Variants in UBE2R2 observed in about 807,000 individuals in gnomAD.
UBE2R2 encodes the protein ubiquitin conjugating enzyme E2 R2, also known as ubiquitin-conjugating enzyme E2 R2.
A neutral mutation model predicts 27.8 loss-of-function variants in UBE2R2; 1 was observed. That is an observed-to-expected ratio of 0.04 (90% CI 0.01 to 0.17). The LOEUF (loss-of-function observed/expected upper bound fraction) is 0.17. Ranked by LOEUF, UBE2R2 falls within the 10% of genes least tolerant of loss-of-function variation. The probability of loss-of-function intolerance (pLI) is 1.00; values close to 1 mark genes in which losing one functional copy is unlikely to be tolerated. For synonymous variants in UBE2R2, 106 were observed against 113.3 expected (o/e 0.94, Z 0.41); for missense variants, 100 against 291.0 (o/e 0.34, Z 4.78).
intron 1 of UBE2R2, among the ~76,000 whole-genome samples, chr9:33,871,529 T>C (rs1821483011): frequency 2.0e-5 from 3 of 152,206 alleles, no homozygotes; most frequent in Non-Finnish European, 4.4e-5. Context: ...ATTTTGGAGG[T>C]ACTTGTTCTT....
In UBE2R2 at chr9:33,817,838, C is replaced by G; in HGVS notation, c.81C>G (p.Gly27=). ...CCCTGCAGGAGGAACCGGTGGAGGG[C>G]TTCCGGATCACCCTGGTGGACGAGT... The part of the protein sequence containing the change: ...LKSLQEEPVE[G]FRITLVDESD... Residue 27 remains glycine, a synonymous_variant, in exon 1 of 5, where the codon GGC becomes GGG. Coordinates refer to ENST00000263228, the MANE Select transcript of UBE2R2 (RefSeq NM_017811.4). 2 of 1,612,894 alleles carry G rather than the reference C, an allele frequency of 1.2e-6. No individual in the cohort carries two copies. Among genetic ancestry groups the G allele is most frequent in the Non-Finnish European group, 1.7e-6 (2 of 1,179,378 alleles).
intron 3 of UBE2R2, among the ~76,000 whole-genome samples, chr9:33,902,134 G>C (rs1471785346): frequency 1.3e-5 from 2 of 151,996 alleles, no homozygotes; most frequent in Non-Finnish European, 2.9e-5. Context: ...TCCCAGGCCA[G>C]TCTCAAACTA....
intron 1 of UBE2R2, among the ~76,000 whole-genome samples, chr9:33,853,619 AC>A (rs1190923457): frequency 1.3e-5 from 2 of 151,570 alleles, no homozygotes; most frequent in Non-Finnish European, 2.9e-5. Flanking sequence ...ACATATTCTT[AC>A]CATTTTCAAA....
chr9:33,850,475 G>C (rs1324960526), intron 1 of UBE2R2, among the ~76,000 whole-genome samples: 1 of 151,786 alleles, frequency 6.6e-6, no homozygotes, highest in African/African-American at 2.4e-5. Flanking sequence ...TGATAAATCA[G>C]CTGAACAGAC....
At chr9:33,828,465 C>T (rs1329591564) in intron 1 of UBE2R2, among the ~76,000 whole-genome samples, 2 of 150,648 alleles carry the variant, frequency 1.3e-5, no homozygotes, top group Non-Finnish European at 2.9e-5. Context: ...TCTTGGCTCA[C>T]TGCAACCTCC....
intron 1 of UBE2R2, among the ~76,000 whole-genome samples, chr9:33,861,134 A>AT (rs1235512828): frequency 2.0e-5 from 3 of 150,160 alleles, no homozygotes; most frequent in Non-Finnish European, 3.0e-5. Flanking sequence ...AATTTTTTCT[A>AT]TTTTTTTAGT....
intron 1 of UBE2R2, among the ~76,000 whole-genome samples, chr9:33,881,539 C>T (rs1401968612): frequency 2.0e-5 from 3 of 152,136 alleles, no homozygotes; most frequent in Admixed American, 6.5e-5. Flanking sequence ...TTAGTTGTCC[C>T]GTCTTTTTAG....
chr9:33,845,377 G>A (rs1820821520), intron 1 of UBE2R2, among the ~76,000 whole-genome samples: 1 of 151,642 alleles, frequency 6.6e-6, no homozygotes, highest in Non-Finnish European at 1.5e-5. Context: ...CTCCCGAGTA[G>A]CTGTGACTAC....
At chr9:33,845,555 G>T (rs576581386) in intron 1 of UBE2R2, among the ~76,000 whole-genome samples, 63 of 151,982 alleles carry the variant, frequency 4.1e-4, no homozygotes, top group Admixed American at 1.2e-3. Context: ...GCTTGGCCTG[G>T]ATACATTTCT....
chr9:33,882,967 T>C (rs1821762735), intron 1 of UBE2R2, among the ~76,000 whole-genome samples: 1 of 152,084 alleles, frequency 6.6e-6, no homozygotes, highest in South Asian at 2.1e-4. Context: ...CACATGCCTG[T>C]GATCCCAGCT....
At chr9:33,826,569 G>A (rs544120762) in intron 1 of UBE2R2, among the ~76,000 whole-genome samples, 5 of 152,034 alleles carry the variant, frequency 3.3e-5, no homozygotes, top group Admixed American at 2.0e-4. Context: ...ATGGTGGCAC[G>A]TGCCTGTAGT....
intron 1 of UBE2R2, among the ~76,000 whole-genome samples, chr9:33,842,753 C>T (rs985574202): frequency 6.6e-6 from 1 of 151,892 alleles, no homozygotes; most frequent in African/African-American, 2.4e-5. Flanking sequence ...AGATTAATCA[C>T]TTCCAATTAA....
Position 33,817,734 on chromosome 9 carries a change from G to A in UBE2R2, c.-24G>A. 1.6e-6 allele frequency: 2 copies of A among 1,235,064 alleles called. No individual in the cohort carries two copies. The highest frequency in any genetic ancestry group is 2.0e-5 in the South Asian group (1 of 49,798). The allele number at this position is 1,235,064 out of a possible 1,614,324, so 76.5% of individuals were successfully genotyped here. On this transcript the variant is annotated 5_prime_UTR_variant, in exon 1 of 5. Coordinates refer to ENST00000263228, the MANE Select transcript of UBE2R2 (RefSeq NM_017811.4). ...GTGAGGACTGGGGCCCGGGCCCGGCGCCGCCGCCGCCGCCGCCGCCGCGAT... is the reference window on the plus strand; with the variant it reads ...GTGAGGACTGGGGCCCGGGCCCGGCACCGCCGCCGCCGCCGCCGCCGCGAT...
intron 1 of UBE2R2, among the ~76,000 whole-genome samples, chr9:33,838,091 C>T (rs892421261): frequency 6.6e-6 from 1 of 151,860 alleles, no homozygotes; most frequent in Admixed American, 6.6e-5. Context: ...ATGGTCAAGT[C>T]CCTTATATAA....
chr9:33,917,638 G>A lies in UBE2R2; in HGVS notation c.*401G>A. ...GTTTAAAGCTGGGAACCTGTTGGGAGTTCACAAGTGCTGCATATACTGGGT... is the reference window on the plus strand; with the variant it reads ...GTTTAAAGCTGGGAACCTGTTGGGAATTCACAAGTGCTGCATATACTGGGT... On this transcript the variant is annotated 3_prime_UTR_variant, in exon 5 of 5. Coordinates refer to ENST00000263228, the MANE Select transcript of UBE2R2 (RefSeq NM_017811.4). 3.3e-6 allele frequency: 1 copy of A among 305,622 alleles called. No individual in the cohort carries two copies. Among genetic ancestry groups the A allele is most frequent in the Non-Finnish European group, 5.9e-6 (1 of 168,134 alleles). The allele number at this position is 305,622 out of a possible 1,614,324, so 18.9% of individuals were successfully genotyped here. A position where few individuals can be genotyped will look rare whatever the true frequency, so the allele number is the denominator to read the frequency against.
intron 2 of UBE2R2, among the ~76,000 whole-genome samples, chr9:33,899,575 ATGT>A (rs1362077297): frequency 6.6e-6 from 1 of 152,068 alleles, no homozygotes; most frequent in Non-Finnish European, 1.5e-5. Context: ...GGGTTTCACC[ATGT>A]TGTTCAGGCT....
At chr9:33,894,074 C>A (rs943747045) in intron 2 of UBE2R2, among the ~76,000 whole-genome samples, 4 of 152,056 alleles carry the variant, frequency 2.6e-5, no homozygotes, top group Admixed American at 6.6e-5. Flanking sequence ...TGTTTACATT[C>A]CCACCAGCAG....
intron 1 of UBE2R2, 107 bp downstream of exon 1, chr9:33,818,041 G>T: frequency 7.4e-7 from 1 of 1,351,692 alleles, no homozygotes; most frequent in Non-Finnish European, 1.0e-6. Context: ...GCGAGTGGAG[G>T]GGGCTTCTCA....
chr9:33,836,984 G>A (rs1245900566), intron 1 of UBE2R2, among the ~76,000 whole-genome samples: 1 of 152,092 alleles, frequency 6.6e-6, no homozygotes, highest in Non-Finnish European at 1.5e-5. Flanking sequence ...CATGGTATGT[G>A]AAGAGTTTTT....
Sources: allele counts gnomAD v4.1 joint callset (sites outside exome capture counted in the v4.1 genomes callset), GRCh38; gene constraint gnomAD v4.1.1; transcripts MANE v1.5; gene names NCBI Gene and HGNC (gene_info 2026-07-23, HGNC 2026-07-21).